The following BRINP1 variants were observed in gnomAD, a reference collection of about 807,000 sequenced individuals.
BRINP1 encodes BMP/retinoic acid inducible neural specific 1, also known as BMP/retinoic acid-inducible neural-specific protein 1.
Under a neutral mutation model 72.9 loss-of-function variants are expected in BRINP1, and 17 were observed. The ratio of observed to expected loss-of-function variants is 0.23; its 90% confidence interval spans 0.16 to 0.35. BRINP1 has a LOEUF of 0.35. BRINP1 is among the 10% of genes least tolerant of loss of function. The pLI is 1.00. For synonymous variants in BRINP1, 418 were observed against 378.5 expected (o/e 1.10, Z -1.21); for missense variants, 850 against 1,001.6 (o/e 0.85, Z 2.04).
At chr9:119,305,754 T>C (rs949138524) in intron 2 of BRINP1, among the ~76,000 whole-genome samples, 8 of 152,182 alleles carry the variant, frequency 5.3e-5, no homozygotes, top group African/African-American at 1.9e-4. Flanking sequence ...TCAAGGCACA[T>C]GACACTGTGG....
intron 1 of BRINP1, among the ~76,000 whole-genome samples, chr9:119,349,156 C>T (rs945527618): frequency 6.6e-6 from 1 of 152,108 alleles, no homozygotes; most frequent in Non-Finnish European, 1.5e-5. Flanking sequence ...CGCGTAAGAG[C>T]TTGCTAAGGA....
chr9:119,348,509 T>C (rs1045713354), intron 1 of BRINP1, among the ~76,000 whole-genome samples: 1 of 152,234 alleles, frequency 6.6e-6, no homozygotes, highest in Non-Finnish European at 1.5e-5. Flanking sequence ...GGTAAGAGTA[T>C]GTTTAGTTTT....
At chr9:119,354,192 T>A (rs1357138233) in intron 1 of BRINP1, among the ~76,000 whole-genome samples, 1 of 152,162 alleles carries the variant, frequency 6.6e-6, no homozygotes, top group African/African-American at 2.4e-5. Flanking sequence ...GAAAATACAT[T>A]TGTCTAGTGT....
At chr9:119,248,290 G>T (rs1830343912) in intron 3 of BRINP1, among the ~76,000 whole-genome samples, 1 of 152,240 alleles carries the variant, frequency 6.6e-6, no homozygotes, top group African/African-American at 2.4e-5. Context: ...TGGCAAAACT[G>T]GTGCCTAAGG....
Position 119,299,781 on chromosome 9 carries a change from C to A in BRINP1, c.218+13357G>T, listed in dbSNP as rs146190953. 2.6e-5 allele frequency among the ~76,000 whole-genome samples: 4 copies of A among 152,176 alleles called. No individual in the cohort carries two copies. In the East Asian group the frequency reaches 7.7e-4, roughly 29 times the overall value. On this transcript the variant is annotated intron_variant, in intron 2 of 7. Transcript: ENST00000265922. The stretch of plus-strand genomic sequence containing the variant: ...CCATCATGTATGTATACCACATTTC[C>A]TTTATCCATATGTCCACTGATGGAC...
intron 7 of BRINP1, among the ~76,000 whole-genome samples, chr9:119,194,482 A>G (rs151330982): frequency 1.1e-4 from 16 of 152,292 alleles, no homozygotes; most frequent in African/African-American, 3.4e-4. Context: ...AACACAGTTG[A>G]CCTACAGAGG....
At chr9:119,301,776 G>A (rs904478292) in intron 2 of BRINP1, among the ~76,000 whole-genome samples, 3 of 152,072 alleles carry the variant, frequency 2.0e-5, no homozygotes, top group Non-Finnish European at 2.9e-5. Context: ...CTGTACTATC[G>A]TAGCAACTTC....
At chr9:119,240,033 G>T (rs1190369492) in intron 4 of BRINP1, among the ~76,000 whole-genome samples, 1 of 152,096 alleles carries the variant, frequency 6.6e-6, no homozygotes, top group Non-Finnish European at 1.5e-5. Context: ...CACTTTGGGA[G>T]GCTGAGGTGG....
chr9:119,169,323 C>G (rs2118816712), intron 7 of BRINP1, among the ~76,000 whole-genome samples: 1 of 152,344 alleles, frequency 6.6e-6, no homozygotes, highest in Admixed American at 6.5e-5. Context: ...TTGGGAAGTG[C>G]AAGGGGTCAG....
At chr9:119,236,685 G>A (rs934249136) in intron 5 of BRINP1, among the ~76,000 whole-genome samples, 2 of 152,152 alleles carry the variant, frequency 1.3e-5, no homozygotes, top group African/African-American at 4.8e-5. Flanking sequence ...GTCTCTACAG[G>A]TATCGCATGA....
chr9:119,254,498 A>T (rs1414570159), intron 2 of BRINP1, among the ~76,000 whole-genome samples: 1 of 152,222 alleles, frequency 6.6e-6, no homozygotes. Context: ...GGGAAACATC[A>T]AAGGGCAGCC....
Position 119,167,153 on chromosome 9 carries a change from G to T in BRINP1, c.2217C>A (p.Asn739Lys). ...CCGTGTTGTACAGGTCCAAGGCGTG[G>T]TTCACCCTGATGATCTCGCTGTTGG... ...KLTNSEIIRV[N>K]HALDLYNTEI... The change falls in exon 8 of 8, where the codon AAC becomes AAA. Residue 739 changes from asparagine (N) to lysine (K), a missense_variant. Coordinates refer to ENST00000265922, the MANE Select transcript of BRINP1 (RefSeq NM_014618.3). This position sits in a 1 kb window ranked among gnomAD's most constrained non-coding sequence, Gnocchi z 4.3. 5 of 1,614,154 alleles carry T rather than the reference G, an allele frequency of 3.1e-6. No individual in the cohort carries two copies. Among genetic ancestry groups the T allele is most frequent in the Non-Finnish European group, 4.2e-6 (5 of 1,180,036 alleles).
chr9:119,213,363 C>A (rs954304889), intron 6 of BRINP1, among the ~76,000 whole-genome samples: 1 of 152,184 alleles, frequency 6.6e-6, no homozygotes, highest in Non-Finnish European at 1.5e-5. Flanking sequence ...TGTCTTTCCA[C>A]CCCTGAAACT....
intron 5 of BRINP1, 65 bp downstream of exon 5, chr9:119,238,589 CT>C: frequency 2.1e-6 from 2 of 961,156 alleles, no homozygotes; most frequent in Non-Finnish European, 3.2e-6. Context: ...TCCTGATCCC[CT>C]CTCCCACATA....
At chr9:119,212,806 C>A (rs1829942970) in intron 6 of BRINP1, among the ~76,000 whole-genome samples, 1 of 152,202 alleles carries the variant, frequency 6.6e-6, no homozygotes, top group South Asian at 2.1e-4. Flanking sequence ...AAAGTGAGCA[C>A]ATGGTCTTCT....
intron 2 of BRINP1, among the ~76,000 whole-genome samples, chr9:119,288,614 G>A (rs1830791008): frequency 6.6e-6 from 1 of 152,166 alleles, no homozygotes. Context: ...AGGGCCACAC[G>A]ATTTAGGGGT....
At chr9:119,196,738 A>G (rs948147703) in intron 7 of BRINP1, among the ~76,000 whole-genome samples, 1 of 152,174 alleles carries the variant, frequency 6.6e-6, no homozygotes, top group Non-Finnish European at 1.5e-5. Flanking sequence ...GGCAGAGGAC[A>G]CTCAGCACAT....
chr9:119,351,122 T>C (rs1363080166), intron 1 of BRINP1, among the ~76,000 whole-genome samples: 2 of 152,146 alleles, frequency 1.3e-5, no homozygotes, highest in East Asian at 1.9e-4. Context: ...CCTGTGTCCA[T>C]GTATTCTCAT....
chr9:119,169,224 C>T (rs1829367103), intron 7 of BRINP1, among the ~76,000 whole-genome samples: 1 of 152,228 alleles, frequency 6.6e-6, no homozygotes, highest in Non-Finnish European at 1.5e-5. Flanking sequence ...GTACCGGGTG[C>T]ATCTCACTAG....
Sources: gnomAD v4.1 joint callset for allele counts (sites outside exome capture counted in the v4.1 genomes callset) on GRCh38, gnomAD v4.1.1 for gene constraint, Gnocchi (gnomAD v3.1) non-coding constraint, MANE v1.5 for transcripts, NCBI Gene and HGNC (gene_info 2026-07-23, HGNC 2026-07-21) for gene names.